The following PLD5 variants were observed in gnomAD, a reference collection of about 807,000 sequenced individuals.
PLD5 encodes the protein inactive phospholipase D5.
Under a neutral mutation model 61.1 loss-of-function variants are expected in PLD5, and 36 were observed. That is an observed-to-expected ratio of 0.59 (90% CI 0.45 to 0.78). The LOEUF is 0.78. Ranked by LOEUF, PLD5 falls within the 30% of genes least tolerant of loss-of-function variation. PLD5 has a pLI of 0.00. For missense variants in PLD5, 515 were observed against 644.4 expected, an observed-to-expected ratio of 0.80 and a Z score of 2.17; for synonymous variants, 243 against 242.8, an observed-to-expected ratio of 1.00 and a Z score of -0.01.
At chr1:242,497,544 T>C (rs1439119496) in intron 1 of PLD5, among the ~76,000 whole-genome samples, 1 of 152,176 alleles carries the variant, frequency 6.6e-6, no homozygotes, top group African/African-American at 2.4e-5. Flanking sequence ...GAGCCATCCA[T>C]TGGAACAGGC....
At chr1:242,504,257 T>G (rs941805055) in intron 1 of PLD5, among the ~76,000 whole-genome samples, 14 of 152,212 alleles carry the variant, frequency 9.2e-5, no homozygotes, top group Non-Finnish European at 1.3e-4. Context: ...GTTGTTTTCA[T>G]CATTCTGGTC....
chr1:242,386,667 G>A (rs1572031083), intron 1 of PLD5, among the ~76,000 whole-genome samples: 1 of 152,116 alleles, frequency 6.6e-6, no homozygotes, highest in Admixed American at 6.5e-5. Flanking sequence ...AACTTCTCTA[G>A]AACAGGCTAA....
At chr1:242,508,462 A>G (rs922699569) in intron 1 of PLD5, among the ~76,000 whole-genome samples, 1 of 152,160 alleles carries the variant, frequency 6.6e-6, no homozygotes, top group African/African-American at 2.4e-5. Flanking sequence ...AGACTCTTTC[A>G]GGGTTGCCAT....
intron 4 of PLD5, among the ~76,000 whole-genome samples, chr1:242,254,232 G>T (rs766382643): frequency 6.6e-6 from 1 of 151,654 alleles, no homozygotes; most frequent in African/African-American, 2.4e-5. Context: ...AGCTATAGTG[G>T]ATGTCATTTA....
intron 5 of PLD5, among the ~76,000 whole-genome samples, chr1:242,183,906 AT>A (rs1263802861): frequency 4.1e-5 from 6 of 147,214 alleles, no homozygotes; most frequent in South Asian, 4.4e-4. Context: ...AAATAAATAA[AT>A]AAATAAAAAT....
At chr1:242,326,881 T>TC (rs1558467625) in intron 2 of PLD5, among the ~76,000 whole-genome samples, 1 of 151,776 alleles carries the variant, frequency 6.6e-6, no homozygotes, top group Non-Finnish European at 1.5e-5. Context: ...TTTTTTTTTT[T>TC]CCGAGACAGA....
intron 4 of PLD5, among the ~76,000 whole-genome samples, chr1:242,262,881 TG>T (rs1673451094): frequency 6.6e-6 from 1 of 151,964 alleles, no homozygotes; most frequent in African/African-American, 2.4e-5. Flanking sequence ...TTAAGAAAAC[TG>T]ATTAATAAAA....
chr1:242,273,560 G>A (rs1235209567), intron 3 of PLD5, among the ~76,000 whole-genome samples: 2 of 152,146 alleles, frequency 1.3e-5, no homozygotes, highest in Non-Finnish European at 2.9e-5. Flanking sequence ...GTCTTGGAAT[G>A]GGGGAACCTT....
chr1:242,425,249 T>C lies in PLD5; in HGVS notation c.190-77007A>G, dbSNP rs192774203. Among the ~76,000 whole-genome samples the C allele has an allele frequency of 2.7e-4, 41 of 152,322 alleles. 1 individual carries two copies. The highest frequency in any genetic ancestry group is 2.4e-3 in the Admixed American group (37 of 15,292). ...TGGAGTGCACTTGCGCAAACCTAGA[T>C]GGCACAGCCTACTACACTCCCAGGA... On this transcript the variant is annotated intron_variant, in intron 1 of 9. Coordinates refer to ENST00000536534, the MANE Select transcript of PLD5 (RefSeq NM_001372062.1).
intron 1 of PLD5, among the ~76,000 whole-genome samples, chr1:242,394,721 TGTGA>T (rs1489105489): frequency 6.2e-5 from 4 of 64,922 alleles, no homozygotes; most frequent in African/African-American, 7.5e-5. Context: ...TGTGTATATA[TGTGA>T]ACATATATGT....
intron 1 of PLD5, among the ~76,000 whole-genome samples, chr1:242,414,832 G>A (rs1223713497): frequency 6.6e-6 from 1 of 152,070 alleles, no homozygotes; most frequent in Non-Finnish European, 1.5e-5. Context: ...CCTAAGCAAG[G>A]AAAAAAGACA....
intron 1 of PLD5, among the ~76,000 whole-genome samples, chr1:242,405,337 T>C (rs1423828323): frequency 6.6e-6 from 1 of 152,174 alleles, no homozygotes; most frequent in Admixed American, 6.5e-5. Context: ...TCTGAGGCAT[T>C]TCTGGTCATT....
chr1:242,299,620 C>T (rs868767294), intron 2 of PLD5, among the ~76,000 whole-genome samples: 5 of 151,994 alleles, frequency 3.3e-5, no homozygotes, highest in Admixed American at 6.6e-5. Context: ...GGTGTTTTTC[C>T]CCCCAAGTCA....
At position 242,083,474 on chromosome 1, in the gene PLD5, C is replaced by T. The variant is rs1427226109; in HGVS notation, c.*6380G>A. 6.6e-6 allele frequency: 1 copy of T among 152,172 alleles called. No homozygotes were observed. The highest frequency in any genetic ancestry group is 6.5e-5 in the Admixed American group (1 of 15,270). 9.4% of individuals were successfully genotyped at this position (152,172 alleles called of 1,614,324 possible). Reference sequence around the variant, plus strand: ...CTGTGGAGGTAGGGTCTCTCCAAGACACCAGGAAAACTATAGATCCACCTA... The same window carrying T: ...CTGTGGAGGTAGGGTCTCTCCAAGATACCAGGAAAACTATAGATCCACCTA... On this transcript the variant is annotated 3_prime_UTR_variant, in exon 10 of 10. Coordinates refer to ENST00000536534, the MANE Select transcript of PLD5 (RefSeq NM_001372062.1).
At chr1:242,497,273 T>C (rs894544617) in intron 1 of PLD5, among the ~76,000 whole-genome samples, 2 of 152,220 alleles carry the variant, frequency 1.3e-5, no homozygotes, top group Non-Finnish European at 2.9e-5. Flanking sequence ...TGACACCAGA[T>C]AACCTTACCA....
At chr1:242,492,338 C>T (rs1352793162) in intron 1 of PLD5, among the ~76,000 whole-genome samples, 1 of 151,572 alleles carries the variant, frequency 6.6e-6, no homozygotes, top group African/African-American at 2.4e-5. Flanking sequence ...ATAGTGAAAC[C>T]CTGTCTCTAC....
intron 4 of PLD5, among the ~76,000 whole-genome samples, chr1:242,246,678 A>G (rs1245847614): frequency 6.6e-6 from 1 of 152,184 alleles, no homozygotes; most frequent in East Asian, 1.9e-4. Flanking sequence ...AACATAATCT[A>G]AAGATTTTCC....
intron 8 of PLD5, among the ~76,000 whole-genome samples, chr1:242,103,642 C>T (rs915855217): frequency 2.6e-5 from 4 of 152,170 alleles, no homozygotes; most frequent in Non-Finnish European, 4.4e-5. Flanking sequence ...AGGACTGCAC[C>T]TGCTTCTCCT....
intron 2 of PLD5, among the ~76,000 whole-genome samples, chr1:242,336,124 T>C (rs1659489184): frequency 6.6e-6 from 1 of 152,196 alleles, no homozygotes; most frequent in African/African-American, 2.4e-5. Flanking sequence ...AATACATTTT[T>C]TTCTTTTATC....
Sources: gnomAD v4.1 joint callset for allele counts (sites outside exome capture counted in the v4.1 genomes callset) on GRCh38, gnomAD v4.1.1 for gene constraint, MANE v1.5 for transcripts, NCBI Gene and HGNC (gene_info 2026-07-23, HGNC 2026-07-21) for gene names.